Variants in UGT1A8 observed in about 807,000 individuals in gnomAD.
UGT1A8 encodes UDP glucuronosyltransferase family 1 member A8, also known as UDP-glucuronosyltransferase 1A8.
A neutral mutation model predicts 45.3 loss-of-function variants in UGT1A8; 39 were observed. The ratio of observed to expected loss-of-function variants is 0.86; its 90% CI spans 0.67 to 1.12. UGT1A8 has a LOEUF of 1.12. Ranked by LOEUF, UGT1A8 falls within the 50% of genes most tolerant of loss-of-function variation. The pLI, the probability that UGT1A8 is intolerant of heterozygous loss-of-function variation, is 0.00. For missense variants in UGT1A8, 719 were observed against 664.9 expected, an observed-to-expected ratio of 1.08 and a Z score of -0.90; for synonymous variants, 275 against 249.2, an observed-to-expected ratio of 1.10 and a Z score of -0.97.
intron 1 of UGT1A8, among the ~76,000 whole-genome samples, chr2:233,737,637 G>T (rs1475956364): frequency 6.6e-6 from 1 of 152,182 alleles, no homozygotes; most frequent in Non-Finnish European, 1.5e-5. Context: ...CATCTTCTGC[G>T]TCGATCATGC....
Position 233,690,572 on chromosome 2 carries a change from C to CT in UGT1A8, c.855+72011dup, listed in dbSNP as rs776258044. The CT allele has an allele frequency of 3.1e-6, 4 of 1,288,646 alleles. No individual in the cohort carries two copies. In the South Asian group the frequency reaches 3.7e-5, roughly 12 times the overall value. 79.8% of individuals were successfully genotyped at this position (1,288,646 alleles called of 1,614,324 possible). On this transcript the variant is annotated intron_variant, in intron 1 of 4. Coordinates refer to ENST00000373450, the MANE Select transcript of UGT1A8 (RefSeq NM_019076.5). ...ATGTCCCAAGCCTGAGTCATTCAGC[C>CT]TGCAGCAATCCCTGAGAAAAAAAAA...
intron 1 of UGT1A8, among the ~76,000 whole-genome samples, chr2:233,651,692 A>G (rs1467794821): frequency 6.6e-6 from 1 of 152,146 alleles, no homozygotes; most frequent in African/African-American, 2.4e-5. Flanking sequence ...GGAAAAGCAT[A>G]CAGTTTGTTG....
intron 1 of UGT1A8, among the ~76,000 whole-genome samples, chr2:233,717,384 C>G (rs1271366561): frequency 6.6e-6 from 1 of 152,240 alleles, no homozygotes; most frequent in Non-Finnish European, 1.5e-5. Flanking sequence ...CAGACCTGCC[C>G]TCTCTGTGCC....
At chr2:233,762,034 A>G (rs750851212) in intron 1 of UGT1A8, among the ~76,000 whole-genome samples, 3 of 151,806 alleles carry the variant, frequency 2.0e-5, no homozygotes, top group Non-Finnish European at 2.9e-5. Context: ...ATTTTTTTTA[A>G]TTTTCTGTGC....
intron 1 of UGT1A8, chr2:233,690,463 C>A (rs2074991463): frequency 7.8e-7 from 1 of 1,289,030 alleles, no homozygotes; most frequent in Middle Eastern, 2.1e-4. Context: ...TGCCAGCTAT[C>A]CTCCATTTAC....
chr2:233,699,831 A>C (rs2075527106), intron 1 of UGT1A8, among the ~76,000 whole-genome samples: 1 of 152,178 alleles, frequency 6.6e-6, no homozygotes, highest in Non-Finnish European at 1.5e-5. Flanking sequence ...CTCAAATAGA[A>C]CTAATTTTTC....
rs551525827 is a variant in UGT1A8, at chr2:233,648,775, A to C, written c.855+30213A>C. The C allele has an allele frequency of 9.2e-5, 74 of 803,422 alleles. No homozygotes were observed. In the East Asian group the frequency reaches 3.0e-3, roughly 32 times the overall value. 49.8% of individuals were successfully genotyped at this position (803,422 alleles called of 1,614,324 possible). On this transcript the variant is annotated intron_variant, in intron 1 of 4. Transcript: ENST00000373450. ...CACCACACCCAGCCTGGATGCCATG[A>C]CTTTTAAGGAGAGAGTAAGGAACCA...
chr2:233,682,342 A>C, intron 1 of UGT1A8: 1 of 1,614,112 alleles, frequency 6.2e-7, no homozygotes, highest in Non-Finnish European at 8.5e-7. Context: ...AATTAGTAGA[A>C]TACTTAAAGG....
chr2:233,693,389 C>T, intron 1 of UGT1A8: 1 of 1,614,162 alleles, frequency 6.2e-7, no homozygotes, highest in Non-Finnish European at 8.5e-7. Flanking sequence ...CTGCCAGAGC[C>T]TCCTGCAGGA....
chr2:233,741,276 T>C (rs752081250), intron 1 of UGT1A8, among the ~76,000 whole-genome samples: 1 of 151,850 alleles, frequency 6.6e-6, no homozygotes, highest in Non-Finnish European at 1.5e-5. Flanking sequence ...CACTGAACAA[T>C]GGGATTTATG....
intron 1 of UGT1A8, among the ~76,000 whole-genome samples, chr2:233,681,403 G>A (rs1040093836): frequency 1.1e-4 from 16 of 151,602 alleles, no homozygotes; most frequent in Non-Finnish European, 1.8e-4. Flanking sequence ...GCATGGCAGC[G>A]TGCGCCTGTA....
chr2:233,743,793 C>G (rs768890081), intron 1 of UGT1A8: 1 of 1,367,374 alleles, frequency 7.3e-7, no homozygotes. Flanking sequence ...CTCCTCTCCG[C>G]TTCCTCCTTG....
At chr2:233,671,031 C>T (rs183266242) in intron 1 of UGT1A8, among the ~76,000 whole-genome samples, 4 of 152,244 alleles carry the variant, frequency 2.6e-5, no homozygotes, top group Admixed American at 2.6e-4. Context: ...AACATACAAA[C>T]TATGTCAAAG....
chr2:233,742,567 C>T (rs1045281711), intron 1 of UGT1A8, among the ~76,000 whole-genome samples: 3 of 151,796 alleles, frequency 2.0e-5, no homozygotes, highest in East Asian at 1.9e-4. Flanking sequence ...AGCTTCTGGC[C>T]GGAATTGGGG....
Position 233,769,467 on chromosome 2 carries a change from G to T in UGT1A8, c.1295+1028G>T. The T allele has an allele frequency of 6.2e-7, 1 of 1,602,902 alleles. No homozygotes were observed. On this transcript the variant is annotated intron_variant, in intron 4 of 4. Coordinates refer to ENST00000373450, the MANE Select transcript of UGT1A8 (RefSeq NM_019076.5). This position sits in a 1 kb window ranked among gnomAD's most constrained non-coding sequence, Gnocchi z 4.4. Reference sequence around the variant, plus strand: ...TGCACACGTGTGCATTCATATGCGTGTGTGTGTGTGTGCGTGTGTTTATGA... The same window carrying T: ...TGCACACGTGTGCATTCATATGCGTTTGTGTGTGTGTGCGTGTGTTTATGA...
At chr2:233,656,947 A>T (rs2073868446) in intron 1 of UGT1A8, among the ~76,000 whole-genome samples, 1 of 149,454 alleles carries the variant, frequency 6.7e-6, no homozygotes, top group African/African-American at 2.5e-5. Context: ...CTTTCCTGTG[A>T]GTCTTCCTGA....
intron 1 of UGT1A8, among the ~76,000 whole-genome samples, chr2:233,701,702 G>A (rs1450661974): frequency 2.0e-5 from 3 of 152,064 alleles, no homozygotes; most frequent in South Asian, 2.1e-4. Flanking sequence ...ACTCAAAACC[G>A]CTCAACTACA....
intron 1 of UGT1A8, among the ~76,000 whole-genome samples, chr2:233,745,103 T>C (rs1575669883): frequency 2.6e-5 from 4 of 152,036 alleles, no homozygotes; most frequent in Middle Eastern, 3.4e-3. Flanking sequence ...CAAATATTTT[T>C]AATCTGCTGT....
chr2:233,670,162 AG>A (rs2074153443), intron 1 of UGT1A8, among the ~76,000 whole-genome samples: 1 of 152,248 alleles, frequency 6.6e-6, no homozygotes. Context: ...GAAAATCTTA[AG>A]GAAGAGAAAA....
Sources: allele counts gnomAD v4.1 joint callset (sites outside exome capture counted in the v4.1 genomes callset), GRCh38; gene constraint gnomAD v4.1.1; non-coding constraint Gnocchi (gnomAD v3.1); transcripts MANE v1.5; gene names NCBI Gene and HGNC (gene_info 2026-07-23, HGNC 2026-07-21).